CLPB: variants seen among roughly 807,000 people sequenced by gnomAD.
The protein encoded by CLPB is ClpB family mitochondrial disaggregase.
CLPB carries 40 observed loss-of-function variants against 78.4 expected under a neutral mutation model. The ratio of observed to expected loss-of-function variants is 0.51; its 90% CI spans 0.40 to 0.66. The LOEUF (loss-of-function observed/expected upper bound fraction) is 0.66, where lower values mean the gene tolerates loss of function less well. CLPB is among the 30% of genes least tolerant of loss of function. The pLI is 0.00. For synonymous variants in CLPB, 333 were observed against 348.0 expected, an observed-to-expected ratio of 0.96 and a Z score of 0.48; for missense variants, 780 against 886.9, an observed-to-expected ratio of 0.88 and a Z score of 1.53.
intron 4 of CLPB, chr11:72,372,837 T>C: frequency 8.2e-7 from 1 of 1,226,868 alleles, no homozygotes; most frequent in Non-Finnish European, 1.2e-6. Context: ...GTAGTTAACT[T>C]ATACTGAGTA....
At chr11:72,339,602 GATTA>G (rs1386851795) in intron 5 of CLPB, among the ~76,000 whole-genome samples, 7 of 152,190 alleles carry the variant, frequency 4.6e-5, no homozygotes, top group Non-Finnish European at 7.4e-5. Flanking sequence ...TTTTTTTCAA[GATTA>G]ATTGTTATCC....
chr11:72,390,492 C>A, intron 3 of CLPB, among the ~76,000 whole-genome samples: 1 of 149,910 alleles, frequency 6.7e-6, no homozygotes, highest in Non-Finnish European at 1.5e-5. Flanking sequence ...AAAGAAGGCC[C>A]AACAAAAATG....
rs761943152 is a variant in CLPB at position 72,358,890 on chromosome 11, C to T, written c.765G>A (p.Leu255=). The T allele has an allele frequency of 6.3e-7, 1 of 1,599,892 alleles. No individual in the cohort carries two copies. Among genetic ancestry groups the T allele is most frequent in the Non-Finnish European group, 8.5e-7 (1 of 1,171,988 alleles). The part of the protein sequence containing the change: ...LADDYRTVKE[L]LDGGANPLQR... ...CACCTCTGCTCTCACCTCCATCAAG[C>T]AGCTCCTTGACAGTGCGGTAGTCAT... The change falls in exon 5 of 16, where the codon CTG becomes CTA. Residue 255 remains leucine, a synonymous_variant. Coordinates refer to ENST00000538039, the MANE Select transcript of CLPB (RefSeq NM_001258392.3).
intron 5 of CLPB, chr11:72,336,963 G>A (rs1249674136): frequency 4.5e-5 from 18 of 397,306 alleles, no homozygotes; most frequent in Non-Finnish European, 7.5e-5. Context: ...CCAGTGATCA[G>A]TGCTCTCCCT....
intron 5 of CLPB, chr11:72,354,429 A>G (rs1337520214): frequency 1.0e-5 from 4 of 398,250 alleles, no homozygotes; most frequent in Non-Finnish European, 1.3e-5. Flanking sequence ...GATATGTTTT[A>G]GGAAGATGGA....
rs142725252 is a variant in CLPB at position 72,373,495 on chromosome 11, T to C, written c.646+6786A>G. Among the ~76,000 whole-genome samples, 610 of 152,308 alleles carry C rather than the reference T, an allele frequency of 4.0e-3. 5 individuals carry two copies. Among genetic ancestry groups the C allele is most frequent in the African/African-American group, 0.012 (501 of 41,566 alleles). ...GCTCAAGGCACTGAATGGAATGTGG[T>C]TGAGATCAGGGAATAGGTTGGCAGA... On this transcript the variant is annotated intron_variant, in intron 4 of 15. Coordinates refer to ENST00000538039, the MANE Select transcript of CLPB (RefSeq NM_001258392.3).
intron 10 of CLPB, 37 bp from the exon 11 acceptor site, chr11:72,302,001 C>T (rs1430520264): frequency 6.2e-7 from 1 of 1,607,364 alleles, no homozygotes; most frequent in South Asian, 1.1e-5. Flanking sequence ...GAAGGCCTTT[C>T]TGTGCTTTTA....
intron 13 of CLPB, 29 bp from the exon 14 acceptor site, chr11:72,294,473 G>T (rs1159357594): frequency 6.2e-7 from 1 of 1,613,728 alleles, no homozygotes; most frequent in Non-Finnish European, 8.5e-7. Flanking sequence ...GGTGGGATGA[G>T]CTCAGTGACC....
In CLPB at chr11:72,289,234, CT is replaced by C. The variant is rs1406503732; in HGVS notation, c.*4132del. ...TTCCTTAGAATCTAAGGTTCTACCC[CT>C]GTCTCCTTATCCTATTCTCAGGAAG... On this transcript the variant is annotated 3_prime_UTR_variant, in exon 16 of 16. Transcript: ENST00000538039. The C allele has an allele frequency of 6.6e-6, 1 of 152,168 alleles. No individual in the cohort carries two copies. The highest frequency in any genetic ancestry group is 2.4e-5 in the African/African-American group (1 of 41,434). The allele number at this position is 152,168 out of a possible 1,614,324, so 9.4% of individuals were successfully genotyped here.
chr11:72,314,715 C>T (rs957848065), intron 7 of CLPB, among the ~76,000 whole-genome samples: 21 of 151,490 alleles, frequency 1.4e-4, no homozygotes, highest in Admixed American at 2.6e-4. Flanking sequence ...TAAAAACCAG[C>T]CAGTGTGTCG....
At chr11:72,416,551 C>T (rs570764714) in intron 2 of CLPB, among the ~76,000 whole-genome samples, 1 of 151,792 alleles carries the variant, frequency 6.6e-6, no homozygotes, top group East Asian at 1.9e-4. Flanking sequence ...GCCTGGCCAA[C>T]ATAGTGAAAC....
chr11:72,400,688 G>A (rs957829521), intron 3 of CLPB, among the ~76,000 whole-genome samples: 12 of 152,198 alleles, frequency 7.9e-5, no homozygotes, highest in African/African-American at 2.9e-4. Context: ...AAGTACCAGC[G>A]GTGTAGAATA....
At chr11:72,295,084 C>G (rs757774300) in intron 12 of CLPB, among the ~76,000 whole-genome samples, 1 of 152,198 alleles carries the variant, frequency 6.6e-6, no homozygotes, top group Non-Finnish European at 1.5e-5. Flanking sequence ...GGCCCACCTA[C>G]GCAGGAAGCT....
At chr11:72,397,392 G>A (rs1409398647) in intron 3 of CLPB, among the ~76,000 whole-genome samples, 1 of 152,150 alleles carries the variant, frequency 6.6e-6, no homozygotes, top group Non-Finnish European at 1.5e-5. Flanking sequence ...AAATACCTAG[G>A]AGTTGCTATT....
rs546948949 is a variant in CLPB, at chr11:72,392,936, C to G, written c.542+10030G>C. Among the ~76,000 whole-genome samples, 15 of 152,306 alleles carry G rather than the reference C, an allele frequency of 9.8e-5. No homozygotes were observed. In the East Asian group the frequency reaches 2.9e-3, roughly 29 times the overall value. On this transcript the variant is annotated intron_variant, in intron 3 of 15. Transcript: ENST00000538039. ...AGCTCTTACTGCATAGTACCAGGAA[C>G]AGTGATATTTTCAGATGGCAGTTAA... is the stretch of plus-strand genomic sequence containing the variant.
intron 3 of CLPB, among the ~76,000 whole-genome samples, chr11:72,388,768 G>A (rs1352958638): frequency 1.3e-5 from 2 of 152,132 alleles, no homozygotes; most frequent in Admixed American, 6.5e-5. Flanking sequence ...AGCCCAGATC[G>A]GGCTAGAGGG....
Position 72,312,249 on chromosome 11 carries a change from C to G in CLPB, c.989-3645G>C, listed in dbSNP as rs1342136725. Among the ~76,000 whole-genome samples, 2 of 152,148 alleles carry G rather than the reference C, an allele frequency of 1.3e-5. No homozygotes were observed. The highest frequency in any genetic ancestry group is 4.8e-5 in the African/African-American group (2 of 41,426). The stretch of plus-strand genomic sequence containing the variant: ...TTGTAAGTGGCGAGGAGTGGGATAA[C>G]AATAAGAGTAAAAATAATGGTAGTC... On this transcript the variant is annotated intron_variant, in intron 7 of 15. Transcript: ENST00000538039. This position sits in a 1 kb window ranked among gnomAD's most constrained non-coding sequence, Gnocchi z 4.2.
chr11:72,416,540 A>G (rs1856028658), intron 2 of CLPB, among the ~76,000 whole-genome samples: 1 of 152,016 alleles, frequency 6.6e-6, no homozygotes, highest in Non-Finnish European at 1.5e-5. Flanking sequence ...GTTCGAGACA[A>G]GCCTGGCCAA....
Position 72,294,430 on chromosome 11 carries a change from C to T in CLPB, c.1575G>A (p.Arg525=). 1 of 1,614,168 alleles carries T rather than the reference C, an allele frequency of 6.2e-7. No homozygotes were observed. Among genetic ancestry groups the T allele is most frequent in the South Asian group, 1.1e-5 (1 of 91,072 alleles). The change falls in exon 14 of 16, where the codon AGG becomes AGA. Residue 525 remains arginine (R), a synonymous_variant. Transcript: ENST00000538039. ...CATTGATCCGTCCCAGAAACTCATC[C>T]CTCCGGAAGTGAGCCTGAAGGGCCA... The part of the protein sequence containing the change: ...IRPILKAHFR[R]DEFLGRINEI...
Sources: gnomAD v4.1 joint callset for allele counts (sites outside exome capture counted in the v4.1 genomes callset) on GRCh38, gnomAD v4.1.1 for gene constraint, Gnocchi (gnomAD v3.1) non-coding constraint, MANE v1.5 for transcripts, NCBI Gene and HGNC (gene_info 2026-07-23, HGNC 2026-07-21) for gene names.